Variants in NAV2 observed in about 807,000 individuals in gnomAD.
NAV2 encodes neuron navigator 2, also known as helicase, APC down-regulated 1.
NAV2 carries 54 observed loss-of-function variants against 223.2 expected under a neutral mutation model. The ratio of observed to expected loss-of-function variants is 0.24; its 90% CI spans 0.19 to 0.30. NAV2 has a LOEUF of 0.30. Ranked by LOEUF, NAV2 falls within the 10% of genes least tolerant of loss-of-function variation. The probability of loss-of-function intolerance (pLI) is 1.00; values close to 1 mark genes in which losing one functional copy is unlikely to be tolerated. For synonymous variants in NAV2, 1,279 were observed against 1,239.3 expected, an observed-to-expected ratio of 1.03 and a Z score of -0.67; for missense variants, 2,806 against 3,147.5, an observed-to-expected ratio of 0.89 and a Z score of 2.60.
chr11:19,511,620 T>C (rs966119847), intron 1 of NAV2: 3 of 152,234 alleles, frequency 2.0e-5, no homozygotes, highest in African/African-American at 7.2e-5. Flanking sequence ...TTCTGGTCCG[T>C]AAAGCCTCTG....
At chr11:19,586,546 T>C (rs1463854297) in intron 1 of NAV2, among the ~76,000 whole-genome samples, 1 of 151,768 alleles carries the variant, frequency 6.6e-6, no homozygotes, top group African/African-American at 2.4e-5. Context: ...GTGACGTACA[T>C]ATGGGGTTTT....
rs1565295714 is a variant in NAV2, at chr11:19,776,609, G to GTGTGTGTGTGTGTGTGT, written c.268-55874_268-55873insGTGTGTGTGTGTGTGTT. Among the ~76,000 whole-genome samples the GTGTGTGTGTGTGTGTGT allele has an allele frequency of 8.6e-4, 60 of 69,676 alleles. 1 individual carries two copies. The highest frequency in any genetic ancestry group is 3.7e-3 in the African/African-American group (59 of 15,986). The allele number at this position is 69,676 out of a possible 152,430, so 45.7% of individuals were successfully genotyped here. On this transcript the variant is annotated intron_variant, in intron 1 of 37. Coordinates refer to ENST00000349880, the MANE Select transcript of NAV2 (RefSeq NM_145117.5). The stretch of plus-strand genomic sequence containing the variant: ...GTGTGTGTGTGTGTGTGTGTGTGTG[G>GTGTGTGTGTGTGTGTGT]TTAGAGTTGTGGGGGTCAGAAAATG...
At chr11:19,762,941 A>G (rs1016467722) in intron 1 of NAV2, among the ~76,000 whole-genome samples, 2 of 151,914 alleles carry the variant, frequency 1.3e-5, no homozygotes, top group Non-Finnish European at 2.9e-5. Flanking sequence ...CTTAACATCA[A>G]TCTACTCCAT....
intron 8 of NAV2, among the ~76,000 whole-genome samples, chr11:19,944,918 C>CT (rs374952588): frequency 7.2e-4 from 103 of 142,458 alleles, no homozygotes; most frequent in African/African-American, 2.6e-3. Flanking sequence ...CCTTCTCTTT[C>CT]TTTCTTTTCT....
chr11:19,717,778 G>T (rs1358900152), intron 1 of NAV2, among the ~76,000 whole-genome samples: 1 of 152,206 alleles, frequency 6.6e-6, no homozygotes, highest in Admixed American at 6.5e-5. Flanking sequence ...GGAAATGATG[G>T]TGATTATTAT....
At chr11:20,051,390 G>A in intron 17 of NAV2, 57 bp downstream of exon 17, 2 of 1,525,630 alleles carry the variant, frequency 1.3e-6, no homozygotes, top group East Asian at 2.2e-5. Context: ...GAGCTTGGCT[G>A]TGTGACTCCT....
intron 1 of NAV2, among the ~76,000 whole-genome samples, chr11:19,789,249 T>C (rs1276995818): frequency 6.6e-6 from 1 of 152,164 alleles, no homozygotes; most frequent in Non-Finnish European, 1.5e-5. Flanking sequence ...TACTAAAGAG[T>C]AGATGCCCAA....
chr11:19,940,906 A>G (rs1277195554), intron 8 of NAV2, among the ~76,000 whole-genome samples: 3 of 152,178 alleles, frequency 2.0e-5, no homozygotes, highest in Non-Finnish European at 4.4e-5. Context: ...ATATGAGTAC[A>G]TGGATAGCAC....
intron 20 of NAV2, among the ~76,000 whole-genome samples, chr11:20,063,298 A>G (rs1280434601): frequency 2.0e-5 from 3 of 152,232 alleles, no homozygotes; most frequent in Non-Finnish European, 4.4e-5. Context: ...CGAAAGCCAA[A>G]TGTAATCAAA....
intron 1 of NAV2, among the ~76,000 whole-genome samples, chr11:19,461,756 C>T (rs764485488): frequency 6.6e-6 from 1 of 152,098 alleles, no homozygotes; most frequent in African/African-American, 2.4e-5. Flanking sequence ...AATGGAGTAG[C>T]GAGTATCAGA....
chr11:19,690,960 G>C (rs1321640848), intron 1 of NAV2, among the ~76,000 whole-genome samples: 5 of 152,214 alleles, frequency 3.3e-5, no homozygotes, highest in African/African-American at 1.2e-4. Flanking sequence ...ACCCCTCAAA[G>C]CTGACCTGGT....
intron 1 of NAV2, among the ~76,000 whole-genome samples, chr11:19,669,516 G>A (rs1486205645): frequency 1.3e-5 from 2 of 152,254 alleles, no homozygotes; most frequent in African/African-American, 4.8e-5. Flanking sequence ...GATGTGTAAA[G>A]CACAGTGCCT....
chr11:19,604,549 G>A (rs1347441286), intron 1 of NAV2, among the ~76,000 whole-genome samples: 1 of 152,094 alleles, frequency 6.6e-6, no homozygotes, highest in Non-Finnish European at 1.5e-5. Flanking sequence ...TTGGTGGCTT[G>A]GGATGCATTA....
At chr11:19,693,484 C>T (rs909890845) in intron 1 of NAV2, among the ~76,000 whole-genome samples, 2 of 152,204 alleles carry the variant, frequency 1.3e-5, no homozygotes, top group East Asian at 3.8e-4. Flanking sequence ...GGGTTCACAA[C>T]AGTCTGCTTT....
At chr11:19,353,227 A>G (rs1853427415) in intron 1 of NAV2, among the ~76,000 whole-genome samples, 1 of 152,166 alleles carries the variant, frequency 6.6e-6, no homozygotes, top group Non-Finnish European at 1.5e-5. Context: ...GCGAAAGACA[A>G]TTGTGAGATA....
intron 19 of NAV2, among the ~76,000 whole-genome samples, chr11:20,061,456 C>A (rs1391366643): frequency 6.6e-6 from 1 of 151,800 alleles, no homozygotes; most frequent in Non-Finnish European, 1.5e-5. Flanking sequence ...ATAATCCCAG[C>A]TACTCAGGAG....
At chr11:19,817,122 G>A (rs1210492245) in intron 1 of NAV2, among the ~76,000 whole-genome samples, 1 of 152,168 alleles carries the variant, frequency 6.6e-6, no homozygotes, top group Admixed American at 6.5e-5. Flanking sequence ...CACCACGAGT[G>A]CACACAGTTT....
At chr11:19,958,607 T>C (rs750799816) in intron 10 of NAV2, among the ~76,000 whole-genome samples, 17 of 152,194 alleles carry the variant, frequency 1.1e-4, no homozygotes, top group Admixed American at 9.8e-4. Flanking sequence ...ATAGGTTTGA[T>C]GTGAGGTTTC....
In NAV2 at chr11:19,604,674, G is replaced by A. The variant is rs535995574; in HGVS notation, c.76-227810G>A. Among the ~76,000 whole-genome samples, 10 of 152,256 alleles carry A rather than the reference G, an allele frequency of 6.6e-5. No homozygotes were observed. In the South Asian group the frequency reaches 1.9e-3, roughly 28 times the overall value. ...GGCACTTTTATCCCTCTATTTTACA[G>A]GTGAAGAAACTAAGGCACTGAAGTT... is the stretch of plus-strand genomic sequence containing the variant. On this transcript the variant is annotated intron_variant, in intron 1 of 37. Transcript: ENST00000360655.
Sources: gnomAD v4.1 joint callset for allele counts (sites outside exome capture counted in the v4.1 genomes callset) on GRCh38, gnomAD v4.1.1 for gene constraint, MANE v1.5 for transcripts, NCBI Gene and HGNC (gene_info 2026-07-23, HGNC 2026-07-21) for gene names.